The following ZDHHC14 variants were observed in gnomAD, a reference collection of about 807,000 sequenced individuals.
ZDHHC14 encodes zDHHC palmitoyltransferase 14.
ZDHHC14 carries 16 observed loss-of-function variants against 47.7 expected under a neutral mutation model. The ratio of observed to expected loss-of-function variants is 0.34; its 90% CI spans 0.23 to 0.51. The LOEUF (loss-of-function observed/expected upper bound fraction) is 0.51. ZDHHC14 is among the 20% of genes least tolerant of loss of function. The probability of loss-of-function intolerance (pLI) is 0.97; values close to 1 mark genes in which losing one functional copy is unlikely to be tolerated. For missense variants in ZDHHC14, 515 were observed against 662.5 expected, an observed-to-expected ratio of 0.78 and a Z score of 2.44; for synonymous variants, 293 against 278.9, an observed-to-expected ratio of 1.05 and a Z score of -0.50.
chr6:157,624,342 T>A (rs1048454443), intron 3 of ZDHHC14, among the ~76,000 whole-genome samples: 17 of 152,232 alleles, frequency 1.1e-4, no homozygotes, highest in African/African-American at 3.6e-4. Context: ...TCCCTGCTTT[T>A]CCATGGCCTG....
chr6:157,437,665 G>A (rs995597298), intron 1 of ZDHHC14, among the ~76,000 whole-genome samples: 11 of 152,258 alleles, frequency 7.2e-5, no homozygotes, highest in Middle Eastern at 6.8e-3. Flanking sequence ...TCCTGTCAGG[G>A]TAAAATAGAT....
chr6:157,395,592 G>A lies in ZDHHC14; in HGVS notation c.245+13326G>A, dbSNP rs540841605. On this transcript the variant is annotated intron_variant, in intron 1 of 8. Transcript: ENST00000359775. ...CGGCGGATCAGGAGGTCAGAAGATC[G>A]AGACCATCCTGGCCAACATGGTGAA... Among the ~76,000 whole-genome samples the A allele has an allele frequency of 4.6e-5, 7 of 152,168 alleles. No homozygotes were observed. In the South Asian group the frequency reaches 1.0e-3, roughly 23 times the overall value.
chr6:157,382,337 C>T (rs1384147468), intron 1 of ZDHHC14, 71 bp downstream of exon 1: 6 of 1,552,368 alleles, frequency 3.9e-6, no homozygotes, highest in Non-Finnish European at 5.2e-6. Context: ...CCTCCTCGGG[C>T]TGCTTTCGTT....
At chr6:157,541,595 T>A (rs2365612) in intron 1 of ZDHHC14, among the ~76,000 whole-genome samples, 7 of 151,942 alleles carry the variant, frequency 4.6e-5, no homozygotes, top group African/African-American at 1.7e-4. Flanking sequence ...CCTAATTCCG[T>A]GATTCTGCGT....
At chr6:157,535,879 G>A (rs892136087) in intron 1 of ZDHHC14, among the ~76,000 whole-genome samples, 3 of 152,182 alleles carry the variant, frequency 2.0e-5, no homozygotes, top group African/African-American at 7.2e-5. Flanking sequence ...TTATTTCTAA[G>A]TATGTGATTA....
intron 1 of ZDHHC14, among the ~76,000 whole-genome samples, chr6:157,532,744 A>C (rs1020694792): frequency 6.6e-6 from 1 of 152,248 alleles, no homozygotes; most frequent in Non-Finnish European, 1.5e-5. Flanking sequence ...CCCCAAAACA[A>C]TTAGACTAAT....
chr6:157,666,079 C>T (rs1206400898), intron 8 of ZDHHC14, among the ~76,000 whole-genome samples: 3 of 152,216 alleles, frequency 2.0e-5, no homozygotes, highest in Admixed American at 6.5e-5. Flanking sequence ...GACATACTCA[C>T]GACATCCAGT....
At chr6:157,627,227 G>A (rs745617755) in intron 3 of ZDHHC14, among the ~76,000 whole-genome samples, 1 of 152,172 alleles carries the variant, frequency 6.6e-6, no homozygotes, top group Non-Finnish European at 1.5e-5. Flanking sequence ...TGACTGCCTT[G>A]CCTAAGTTTA....
intron 3 of ZDHHC14, among the ~76,000 whole-genome samples, chr6:157,597,227 T>C (rs1472937795): frequency 6.6e-6 from 1 of 152,116 alleles, no homozygotes; most frequent in Non-Finnish European, 1.5e-5. Context: ...ATCCCTCAAA[T>C]CATTAAAGCG....
At chr6:157,649,114 G>A (rs540449599) in intron 7 of ZDHHC14, among the ~76,000 whole-genome samples, 2 of 152,290 alleles carry the variant, frequency 1.3e-5, no homozygotes, top group Non-Finnish European at 1.5e-5. Flanking sequence ...GTTCCTTTGG[G>A]TGGGGCATTT....
At chr6:157,384,212 G>A (rs1345063639) in intron 1 of ZDHHC14, among the ~76,000 whole-genome samples, 1 of 152,220 alleles carries the variant, frequency 6.6e-6, no homozygotes, top group Non-Finnish European at 1.5e-5. Context: ...TGTGCTCCAT[G>A]GAGGATGATG....
In ZDHHC14 at chr6:157,626,222, C is replaced by T. The variant is rs78448571; in HGVS notation, c.566-2127C>T. Among the ~76,000 whole-genome samples, 43 of 152,226 alleles carry T rather than the reference C, an allele frequency of 2.8e-4. No homozygotes were observed. In the East Asian group the frequency reaches 5.2e-3, roughly 18 times the overall value. On this transcript the variant is annotated intron_variant, in intron 3 of 8. Transcript: ENST00000359775. ...CTTCAGTTGAGAGGCTCAAACCCACCGCATGTGGGATTGAGAGATCAGCTT... is the reference window on the plus strand; with the variant it reads ...CTTCAGTTGAGAGGCTCAAACCCACTGCATGTGGGATTGAGAGATCAGCTT...
At chr6:157,438,252 G>A (rs1401360305) in intron 1 of ZDHHC14, among the ~76,000 whole-genome samples, 3 of 152,154 alleles carry the variant, frequency 2.0e-5, no homozygotes, top group East Asian at 1.9e-4. Flanking sequence ...AAGAATGCAA[G>A]CATTTAAGGT....
chr6:157,614,088 C>G (rs189077801), intron 3 of ZDHHC14, among the ~76,000 whole-genome samples: 3 of 152,174 alleles, frequency 2.0e-5, no homozygotes, highest in Admixed American at 6.5e-5. Context: ...CAAGCCCCCC[C>G]ACCGCTGGCT....
At chr6:157,628,302 T>C (rs1785518129) in intron 3 of ZDHHC14, 47 bp from the exon 4 acceptor site, 2 of 1,573,422 alleles carry the variant, frequency 1.3e-6, no homozygotes, top group African/African-American at 2.9e-5. Context: ...AAAAGACATT[T>C]TATTAATTGA....
intron 3 of ZDHHC14, among the ~76,000 whole-genome samples, chr6:157,608,676 G>C (rs1056772056): frequency 4.6e-5 from 7 of 152,132 alleles, no homozygotes; most frequent in African/African-American, 1.7e-4. Context: ...CAGGCCAGGG[G>C]GTAGGCAGGC....
At chr6:157,404,316 G>C (rs996653554) in intron 1 of ZDHHC14, among the ~76,000 whole-genome samples, 1 of 152,014 alleles carries the variant, frequency 6.6e-6, no homozygotes, top group African/African-American at 2.4e-5. Context: ...TTTGTTTTTC[G>C]TAGAGGTGGG....
rs1030193901 is a variant in ZDHHC14 at position 157,463,615 on chromosome 6, T to G, written c.246-78970T>G. ...CCACCTGAAGAAGGTCTTGCCAGGT[T>G]AAGATGGCTATTGTGGATAATATAC... On this transcript the variant is annotated intron_variant, in intron 1 of 8. Transcript: ENST00000359775. This position sits in a 1 kb window ranked among gnomAD's most constrained non-coding sequence, Gnocchi z 4.4. Among the ~76,000 whole-genome samples the G allele has an allele frequency of 6.6e-6, 1 of 152,212 alleles. No individual in the cohort carries two copies. The highest frequency in any genetic ancestry group is 2.4e-5 in the African/African-American group (1 of 41,454).
chr6:157,422,676 T>C (rs1192585963), intron 1 of ZDHHC14, among the ~76,000 whole-genome samples: 1 of 152,218 alleles, frequency 6.6e-6, no homozygotes, highest in East Asian at 1.9e-4. Flanking sequence ...AGGTTTCTAC[T>C]CTCCATGATC....
Sources: gnomAD v4.1 joint callset for allele counts (sites outside exome capture counted in the v4.1 genomes callset) on GRCh38, gnomAD v4.1.1 for gene constraint, Gnocchi (gnomAD v3.1) non-coding constraint, MANE v1.5 for transcripts, NCBI Gene and HGNC (gene_info 2026-07-23, HGNC 2026-07-21) for gene names.